Variants in TMEM178B observed in about 807,000 individuals in gnomAD.
TMEM178B encodes the protein transmembrane protein 178B.
A neutral mutation model predicts 31.0 loss-of-function variants in TMEM178B; 5 were observed. That is an observed-to-expected ratio of 0.16 (90% CI 0.08 to 0.34). TMEM178B has a LOEUF of 0.34. Ranked by LOEUF, TMEM178B falls within the 10% of genes least tolerant of loss-of-function variation. The probability of loss-of-function intolerance (pLI) is 1.00; values close to 1 mark genes in which losing one functional copy is unlikely to be tolerated. For missense variants in TMEM178B, 275 were observed against 400.3 expected, an observed-to-expected ratio of 0.69 and a Z score of 2.67; for synonymous variants, 164 against 164.0, an observed-to-expected ratio of 1.00 and a Z score of 0.00.
chr7:141,315,034 C>T (rs908900032), intron 2 of TMEM178B, among the ~76,000 whole-genome samples: 5 of 152,214 alleles, frequency 3.3e-5, no homozygotes, highest in Admixed American at 6.5e-5. Context: ...GTGCTTCAAC[C>T]TTGAAAGCCA....
rs115411798 is a variant in TMEM178B, at chr7:141,253,151, A to G, written c.496+40447A>G. 5.1e-3 allele frequency among the ~76,000 whole-genome samples: 775 copies of G among 152,198 alleles called. 8 individuals are homozygous for G. The highest frequency in any genetic ancestry group is 0.018 in the African/African-American group (735 of 41,520). ...TCCTGCAGGCTCTCAGGCACACACA[A>G]TTCCCTCCCCTGGTTCCTCAGGCCT... is the stretch of plus-strand genomic sequence containing the variant. On this transcript the variant is annotated intron_variant, in intron 2 of 3. Transcript: ENST00000565468.
At chr7:141,188,121 A>G (rs1456948726) in intron 1 of TMEM178B, among the ~76,000 whole-genome samples, 2 of 152,122 alleles carry the variant, frequency 1.3e-5, no homozygotes, top group African/African-American at 4.8e-5. Flanking sequence ...ATTTTTGTAT[A>G]AGGTGTAAGC....
intron 2 of TMEM178B, among the ~76,000 whole-genome samples, chr7:141,324,972 C>T (rs1799164043): frequency 6.6e-6 from 1 of 152,052 alleles, no homozygotes; most frequent in Non-Finnish European, 1.5e-5. Context: ...TAGGATGTCA[C>T]AATTGGGATT....
intron 2 of TMEM178B, among the ~76,000 whole-genome samples, chr7:141,271,901 T>G (rs1798191825): frequency 6.6e-6 from 1 of 152,200 alleles, no homozygotes; most frequent in Non-Finnish European, 1.5e-5. Flanking sequence ...GTCACACAGC[T>G]TGTAAGTATC....
intron 1 of TMEM178B, among the ~76,000 whole-genome samples, chr7:141,200,801 G>A (rs571154936): frequency 2.2e-4 from 34 of 152,258 alleles, no homozygotes; most frequent in Admixed American, 7.8e-4. Context: ...TCCTGGCAGC[G>A]GAATGATGGC....
intron 1 of TMEM178B, among the ~76,000 whole-genome samples, chr7:141,149,856 ATG>A (rs1168476419): frequency 6.6e-6 from 1 of 152,204 alleles, no homozygotes; most frequent in Non-Finnish European, 1.5e-5. Context: ...CTCTAGAACT[ATG>A]TGACAATACA....
intron 2 of TMEM178B, among the ~76,000 whole-genome samples, chr7:141,364,547 C>G (rs531409149): frequency 6.6e-5 from 10 of 151,080 alleles, no homozygotes; most frequent in Non-Finnish European, 1.5e-4. Context: ...GTAGTCCCAG[C>G]TACTCGGGAG....
intron 2 of TMEM178B, among the ~76,000 whole-genome samples, chr7:141,252,648 G>A (rs1797853660): frequency 6.6e-6 from 1 of 152,192 alleles, no homozygotes. Flanking sequence ...TGTAGTAGCT[G>A]ATGTGTTATT....
chr7:141,364,147 C>T (rs917961392), intron 2 of TMEM178B, among the ~76,000 whole-genome samples: 8 of 152,094 alleles, frequency 5.3e-5, no homozygotes, highest in Non-Finnish European at 8.8e-5. Context: ...CTGCCTACAA[C>T]AAAAAATGTG....
intron 1 of TMEM178B, among the ~76,000 whole-genome samples, chr7:141,100,021 A>G (rs567267507): frequency 3.4e-4 from 52 of 152,106 alleles, no homozygotes; most frequent in East Asian, 2.7e-3. Flanking sequence ...GGGTTTCACC[A>G]TGTTAGCCAG....
At chr7:141,304,419 C>T (rs1798779056) in intron 2 of TMEM178B, among the ~76,000 whole-genome samples, 1 of 152,050 alleles carries the variant, frequency 6.6e-6, no homozygotes. Flanking sequence ...TGCCTGCCAC[C>T]CCACCCTCTT....
At chr7:141,096,533 T>C (rs1051190812) in intron 1 of TMEM178B, among the ~76,000 whole-genome samples, 2 of 152,190 alleles carry the variant, frequency 1.3e-5, no homozygotes, top group Non-Finnish European at 1.5e-5. Context: ...AATTGGACTT[T>C]AGTGAACAAG....
At chr7:141,328,617 G>C (rs1199874302) in intron 2 of TMEM178B, among the ~76,000 whole-genome samples, 1 of 152,156 alleles carries the variant, frequency 6.6e-6, no homozygotes, top group Non-Finnish European at 1.5e-5. Flanking sequence ...TCTTCACCCT[G>C]TGCCATATCC....
chr7:141,485,816 T>G, the TMEM178B span, among the ~76,000 whole-genome samples: 1 of 152,216 alleles, frequency 6.6e-6, no homozygotes, highest in Non-Finnish European at 1.5e-5. Context: ...CTGCAGCCCC[T>G]ACGGTGATAA....
intron 2 of TMEM178B, among the ~76,000 whole-genome samples, chr7:141,272,606 G>A (rs1798201395): frequency 6.6e-6 from 1 of 152,188 alleles, no homozygotes; most frequent in African/African-American, 2.4e-5. Flanking sequence ...CCCCAGTGCT[G>A]GGAATTATAT....
chr7:141,446,468 A>G (rs1801760332), intron 3 of TMEM178B, among the ~76,000 whole-genome samples: 1 of 152,212 alleles, frequency 6.6e-6, no homozygotes, highest in Non-Finnish European at 1.5e-5. Context: ...CTGGAAGGAA[A>G]TGCAAAGGAG....
intron 2 of TMEM178B, among the ~76,000 whole-genome samples, chr7:141,269,397 T>G (rs1194062011): frequency 1.3e-5 from 2 of 152,092 alleles, no homozygotes; most frequent in Non-Finnish European, 2.9e-5. Context: ...GCCTGGCCTT[T>G]GTTTCCTAAT....
At chr7:141,079,625 C>T (rs1794652230) in intron 1 of TMEM178B, among the ~76,000 whole-genome samples, 1 of 152,118 alleles carries the variant, frequency 6.6e-6, no homozygotes. Flanking sequence ...AATTTTCTAT[C>T]ATCAACTCAC....
chr7:141,101,708 G>T (rs1210411939), intron 1 of TMEM178B, among the ~76,000 whole-genome samples: 1 of 152,134 alleles, frequency 6.6e-6, no homozygotes, highest in Non-Finnish European at 1.5e-5. Flanking sequence ...ACTCCATTAG[G>T]TATCACATAT....
Sources: allele counts gnomAD v4.1 joint callset (sites outside exome capture counted in the v4.1 genomes callset), GRCh38; gene constraint gnomAD v4.1.1; transcripts MANE v1.5; gene names NCBI Gene and HGNC (gene_info 2026-07-23, HGNC 2026-07-21).